Variants in ZNF74 observed in about 807,000 individuals in gnomAD.
ZNF74 encodes zinc finger protein 520.
Under a neutral mutation model 17.7 loss-of-function variants are expected in ZNF74, and 12 were observed. The observed-to-expected ratio is 0.68, with a 90% CI of 0.43 to 1.10. The LOEUF is 1.10. Ranked by LOEUF, ZNF74 falls within the 50% of genes least tolerant of loss-of-function variation. ZNF74 has a pLI of 0.00. For missense variants in ZNF74, 811 were observed against 881.0 expected (o/e 0.92, Z 1.01); for synonymous variants, 358 against 362.1 (o/e 0.99, Z 0.13).
chr22:20,406,572 G>GTGCCTTC lies in ZNF74; in HGVS notation c.1540_1541insGCCTTCT (p.Ser514CysfsTer14). On this transcript the variant is annotated frameshift_variant, in exon 5 of 5. Coordinates refer to ENST00000400451, the MANE Select transcript of ZNF74 (RefSeq NM_003426.4). LOFTEE classifies it low-confidence loss of function (END_TRUNC). ...GTTGGAAGGCCTTCAGCTGCCACTCGTCCCTCATCGTGCACCAGCGCATCC... is the reference window on the plus strand; with the variant it reads ...GTTGGAAGGCCTTCAGCTGCCACTCGTGCCTTCTCCCTCATCGTGCACCAGCGCATCC... 6.2e-7 allele frequency: 1 copy of GTGCCTTC among 1,613,622 alleles called. No individual in the cohort carries two copies. Among genetic ancestry groups the GTGCCTTC allele is most frequent in the East Asian group, 2.2e-5 (1 of 44,852 alleles).
At chr22:20,403,231 A>G (rs1471416201) in intron 4 of ZNF74, among the ~76,000 whole-genome samples, 1 of 150,968 alleles carries the variant, frequency 6.6e-6, no homozygotes, top group East Asian at 1.9e-4. Context: ...GATGTGGTCT[A>G]CACTATAGCA....
chr22:20,397,878 G>T (rs1405379993), intron 2 of ZNF74, among the ~76,000 whole-genome samples: 1 of 152,158 alleles, frequency 6.6e-6, no homozygotes, highest in African/African-American at 2.4e-5. Flanking sequence ...TCCTTGGCTT[G>T]TAGATGGCCA....
Position 20,407,052 on chromosome 22 carries a change from G to A in ZNF74, c.*84G>A, listed in dbSNP as rs902627909. 4.1e-6 allele frequency: 6 copies of A among 1,476,884 alleles called. No homozygotes were observed. The African/African-American group carries it at 5.6e-5, about 14-fold the overall frequency. 91.5% of individuals were successfully genotyped at this position (1,476,884 alleles called of 1,614,324 possible). On this transcript the variant is annotated 3_prime_UTR_variant, in exon 5 of 5. Coordinates refer to ENST00000400451, the MANE Select transcript of ZNF74 (RefSeq NM_003426.4). ...TGGTCCTCCCTGGCTCCTAGATCCA[G>A]ACCACCTTCCTCCAGGTGTGGGAGC...
At chr22:20,394,853 C>T in intron 1 of ZNF74, 191 bp downstream of exon 1, 1 of 582,238 alleles carries the variant, frequency 1.7e-6, no homozygotes, top group East Asian at 3.0e-5. Flanking sequence ...CTCTGCTTCC[C>T]GGGTTCAAAC....
At chr22:20,394,922 G>A in intron 1 of ZNF74, 1 of 520,456 alleles carries the variant, frequency 1.9e-6, no homozygotes, top group African/African-American at 1.9e-5. Context: ...CACCACGCCC[G>A]GCTAATGTTT....
At position 20,397,099 on chromosome 22, in the gene ZNF74, CAG is replaced by C. The variant is rs1352678614; in HGVS notation, c.120+1684_120+1685del. 3.8e-5 allele frequency among the ~76,000 whole-genome samples: 3 copies of C among 79,714 alleles called. No homozygotes were observed. The South Asian group carries it at 1.3e-3, about 35-fold the overall frequency. The allele number at this position is 79,714 out of a possible 152,430, so 52.3% of individuals were successfully genotyped here. On this transcript the variant is annotated intron_variant, in intron 2 of 4. Coordinates refer to ENST00000400451, the MANE Select transcript of ZNF74 (RefSeq NM_003426.4). ...TCTTTTTCTTTTTTTTTTTTTGAGA[CAG>C]AGTCTTGCTCTGTCGCCCAGGCTGG...
At chr22:20,397,144 A>G (rs1316720627) in intron 2 of ZNF74, among the ~76,000 whole-genome samples, 1 of 150,892 alleles carries the variant, frequency 6.6e-6, no homozygotes, top group East Asian at 1.9e-4. Context: ...TGGCACAATC[A>G]TAGCTCACTG....
chr22:20,400,915 C>T (rs539811763), intron 3 of ZNF74, 157 bp downstream of exon 3: 294 of 876,900 alleles, frequency 3.4e-4, no homozygotes, highest in Admixed American at 1.1e-3. Context: ...CCAGGGGCCT[C>T]GGCCACGCCA....
Position 20,408,280 on chromosome 22 carries a change from A to C in ZNF74, c.*1312A>C, listed in dbSNP as rs1055906406. The C allele has an allele frequency of 6.6e-6, 1 of 152,238 alleles. No individual in the cohort carries two copies. The highest frequency in any genetic ancestry group is 6.5e-5 in the Admixed American group (1 of 15,286). 9.4% of individuals were successfully genotyped at this position (152,238 alleles called of 1,614,324 possible). On this transcript the variant is annotated 3_prime_UTR_variant, in exon 5 of 5. Coordinates refer to ENST00000400451, the MANE Select transcript of ZNF74 (RefSeq NM_003426.4). Reference sequence around the variant, plus strand: ...TGAATGTTATTTCTACTTAGTCCTAAGCAAGAATAAGCTGCCCTCTTGGTG... The same window carrying C: ...TGAATGTTATTTCTACTTAGTCCTACGCAAGAATAAGCTGCCCTCTTGGTG...
At chr22:20,400,202 A>C (rs761672630) in intron 2 of ZNF74, 10 of 178,158 alleles carry the variant, frequency 5.6e-5, no homozygotes, top group Non-Finnish European at 7.2e-5. Context: ...CTGGGATCGG[A>C]TCCTTTTGCG....
Position 20,401,278 on chromosome 22 carries a change from A to C in ZNF74, c.249A>C (p.Gly83=), listed in dbSNP as rs1601273397. The C allele has an allele frequency of 6.2e-7, 1 of 1,608,408 alleles. No individual in the cohort carries two copies. Residue 83 remains glycine, a splice_region_variant and synonymous_variant, in exon 4 of 5, where the codon GGA becomes GGC. Coordinates refer to ENST00000400451, the MANE Select transcript of ZNF74 (RefSeq NM_003426.4). The surrounding 1 kb of genome is among the most constrained non-coding windows in gnomAD (Gnocchi z 4.2). Reference sequence around the variant, plus strand: ...AGCCCACTTTCTCTCCACGAGCAGGACCTCCACTGCACAAGCCAGATGTGA... The same window carrying C: ...AGCCCACTTTCTCTCCACGAGCAGGCCCTCCACTGCACAAGCCAGATGTGA... ...LENYQNLLAL[G]PPLHKPDVIS...
At chr22:20,400,307 A>G (rs73879341) in intron 2 of ZNF74, 6,792 of 270,724 alleles carry the variant, frequency 0.025, 239 homozygotes, top group African/African-American at 0.092. Flanking sequence ...GAAGCATAGC[A>G]TCTCACCCAG....
Position 20,405,989 on chromosome 22 carries a change from T to C in ZNF74, c.956T>C (p.Leu319Pro). Residue 319 changes from leucine to proline, a missense_variant, in exon 5 of 5, where the codon CTC (leucine) becomes CCC (proline). By Grantham distance (98) the Leu-to-Pro change is moderately conservative. Coordinates refer to ENST00000400451, the MANE Select transcript of ZNF74 (RefSeq NM_003426.4). ...CGKAFSCHSS[L>P]NVHQRIHTGE... The stretch of plus-strand genomic sequence containing the variant: ...AAGGCCTTCAGCTGCCACTCGTCCC[T>C]CAACGTGCACCAGCGCATCCACACG... The C allele has an allele frequency of 6.2e-7, 1 of 1,613,754 alleles. No homozygotes were observed. The highest frequency in any genetic ancestry group is 8.5e-7 in the Non-Finnish European group (1 of 1,179,904).
Position 20,406,644 on chromosome 22 carries a change from C to T in ZNF74, c.1611C>T (p.Phe537=), listed in dbSNP as rs1295168465. 2 of 1,614,154 alleles carry T rather than the reference C, an allele frequency of 1.2e-6. No homozygotes were observed. Among genetic ancestry groups the T allele is most frequent in the Non-Finnish European group, 1.7e-6 (2 of 1,180,066 alleles). The change falls in exon 5 of 5, where the codon TTC becomes TTT. Residue 537 remains phenylalanine, a synonymous_variant. Coordinates refer to ENST00000400451, the MANE Select transcript of ZNF74 (RefSeq NM_003426.4). ...PYKCSECGRA[F]SQNHCLIKHQ... ...AGTGCAGCGAGTGCGGCAGAGCCTT[C>T]AGCCAGAACCACTGTCTCATTAAAC...
At chr22:20,400,415 A>C in intron 2 of ZNF74, 1 of 561,512 alleles carries the variant, frequency 1.8e-6, no homozygotes, top group African/African-American at 1.9e-5. Context: ...TTCCCAATCT[A>C]GAAGGTGGTG....
At chr22:20,396,204 C>T (rs2052291867) in intron 2 of ZNF74, among the ~76,000 whole-genome samples, 1 of 151,158 alleles carries the variant, frequency 6.6e-6, no homozygotes, top group African/African-American at 2.4e-5. Context: ...TGTCAGTCTG[C>T]CACTCAAAAG....
In ZNF74 at chr22:20,405,927, C is replaced by A. The variant is rs1049472367; in HGVS notation, c.894C>A (p.His298Gln). Reference protein sequence around the residue: ...STNLLEHRRIHTGEKPFFCGE... With the variant: ...STNLLEHRRIQTGEKPFFCGE... ...ACCTTCTGGAGCACCGGCGCATCCA[C>A]ACCGGCGAGAAGCCCTTCTTCTGCG... The change falls in exon 5 of 5, where the codon CAC becomes CAA. Residue 298 changes from histidine to glutamine, a missense_variant. Physicochemically the swap from His to Gln is conservative, Grantham distance 24 (BLOSUM62 0). Transcript: ENST00000400451. The A allele has an allele frequency of 6.2e-7, 1 of 1,613,848 alleles. No individual in the cohort carries two copies. The highest frequency in any genetic ancestry group is 2.2e-5 in the East Asian group (1 of 44,888).
chr22:20,395,229 A>C, intron 1 of ZNF74, 104 bp from the exon 2 acceptor site: 1 of 790,766 alleles, frequency 1.3e-6, no homozygotes. Context: ...CCTTGCTGGC[A>C]GGTTCTGCCT....
chr22:20,405,947 T>C lies in ZNF74; in HGVS notation c.914T>C (p.Phe305Ser), dbSNP rs753809942. Residue 305 changes from phenylalanine to serine, a missense_variant, in exon 5 of 5, where the codon TTC becomes TCC. Around this residue, in one of 3 missense-constraint regions of ZNF74, gnomAD observed 666 missense variants for 702.3 expected, o/e 0.95. Transcript: ENST00000400451. Reference protein sequence around the residue: ...RRIHTGEKPFFCGECGKAFSC... With the variant: ...RRIHTGEKPFSCGECGKAFSC... ...ATCCACACCGGCGAGAAGCCCTTCT[T>C]CTGCGGCGAGTGCGGGAAGGCCTTC... 3 of 1,604,834 alleles carry C rather than the reference T, an allele frequency of 1.9e-6. No homozygotes were observed. The East Asian group carries it at 6.8e-5, about 36-fold the overall frequency.
Sources: allele counts gnomAD v4.1 joint callset (sites outside exome capture counted in the v4.1 genomes callset), GRCh38; gene constraint gnomAD v4.1.1; regional missense constraint gnomAD v4.1.1; non-coding constraint Gnocchi (gnomAD v3.1); transcripts MANE v1.5; gene names NCBI Gene and HGNC (gene_info 2026-07-23, HGNC 2026-07-21).